RCL1: variants seen among roughly 807,000 people sequenced by gnomAD.
RCL1 encodes the protein RNA 3'-terminal phosphate cyclase-like protein.
RCL1 carries 24 observed loss-of-function variants against 42.4 expected under a neutral mutation model. The ratio of observed to expected loss-of-function variants is 0.57; its 90% CI spans 0.41 to 0.80. The LOEUF is 0.80. Ranked by LOEUF, RCL1 falls within the 30% of genes least tolerant of loss-of-function variation. RCL1 has a pLI of 0.00. For synonymous variants in RCL1, 228 were observed against 177.3 expected, an observed-to-expected ratio of 1.29 and a Z score of -2.27; for missense variants, 578 against 467.9, an observed-to-expected ratio of 1.24 and a Z score of -2.17.
intron 2 of RCL1, 28 bp from the exon 3 acceptor site, chr9:4,826,830 A>G (rs1816778811): frequency 1.3e-6 from 2 of 1,575,014 alleles, no homozygotes; most frequent in Non-Finnish European, 1.7e-6. Flanking sequence ...TTTCCTGCTG[A>G]ATGTGGCTCT....
chr9:4,849,500 T>C lies in RCL1; in HGVS notation c.921T>C (p.Leu307=). The change falls in exon 8 of 9, where the codon CTT becomes CTC. Residue 307 remains leucine, a synonymous_variant. Transcript: ENST00000381750. The stretch of plus-strand genomic sequence containing the variant: ...GCCTGGCGCTACTACTCATGACCCT[T>C]GGACAGCAGGATGTTTCCAAAGTCC... ...NQSLALLLMT[L]GQQDVSKVLL... The C allele has an allele frequency of 6.2e-7, 1 of 1,614,042 alleles. No individual in the cohort carries two copies. Among genetic ancestry groups the C allele is most frequent in the Non-Finnish European group, 8.5e-7 (1 of 1,179,988 alleles).
intron 3 of RCL1, among the ~76,000 whole-genome samples, chr9:4,830,979 C>T (rs1015635170): frequency 3.3e-5 from 5 of 152,150 alleles, no homozygotes; most frequent in African/African-American, 1.2e-4. Flanking sequence ...TCTGCTAAAA[C>T]TAGAATGTGC....
chr9:4,795,586 A>G (rs115127493), intron 1 of RCL1, among the ~76,000 whole-genome samples: 1,635 of 152,232 alleles, frequency 0.011, 27 homozygotes, highest in African/African-American at 0.038. Context: ...CCGGAAGCCT[A>G]TGTTGCCCGT....
chr9:4,794,901 C>T (rs1016989360), intron 1 of RCL1, among the ~76,000 whole-genome samples: 3 of 152,108 alleles, frequency 2.0e-5, no homozygotes, highest in Non-Finnish European at 4.4e-5. Flanking sequence ...GACGCTGATA[C>T]CTGAGGGAGG....
intron 1 of RCL1, among the ~76,000 whole-genome samples, chr9:4,806,064 T>TGTGTGTGTG (rs1219639380): frequency 0.013 from 1,752 of 139,114 alleles, 36 homozygotes; most frequent in African/African-American, 0.031. Context: ...GTGTGTGTGT[T>TGTGTGTGTG]TGTGTGTGTA....
At chr9:4,857,591 G>T (rs1259005549) in intron 8 of RCL1, among the ~76,000 whole-genome samples, 2 of 150,790 alleles carry the variant, frequency 1.3e-5, no homozygotes, top group Non-Finnish European at 2.9e-5. Context: ...AAGTTTTTGT[G>T]TGGGTGTATG....
At chr9:4,815,580 A>G (rs1816343871) in intron 1 of RCL1, among the ~76,000 whole-genome samples, 2 of 152,002 alleles carry the variant, frequency 1.3e-5, no homozygotes, top group Non-Finnish European at 2.9e-5. Flanking sequence ...AAGGTACAGT[A>G]GCCGCTTAAA....
At chr9:4,846,894 C>CTTTTTTCTTTTTTTT (rs57427254) in intron 7 of RCL1, among the ~76,000 whole-genome samples, 17 of 148,678 alleles carry the variant, frequency 1.1e-4, no homozygotes, top group African/African-American at 4.2e-4. Flanking sequence ...TAATATTTTT[C>CTTTTTTCTTTTTTTT]TTTTTTTTTT....
intron 8 of RCL1, among the ~76,000 whole-genome samples, chr9:4,856,608 C>T (rs931143901): frequency 2.0e-5 from 3 of 152,120 alleles, no homozygotes; most frequent in Non-Finnish European, 2.9e-5. Context: ...TAATTAGACA[C>T]CATGAGCAGA....
intron 1 of RCL1, among the ~76,000 whole-genome samples, chr9:4,820,033 C>T (rs1371278602): frequency 2.0e-5 from 3 of 152,202 alleles, no homozygotes; most frequent in African/African-American, 7.2e-5. Flanking sequence ...ATTTACAGCT[C>T]CTTGCCATGC....
intron 3 of RCL1, among the ~76,000 whole-genome samples, chr9:4,832,796 G>A (rs973142343): frequency 1.5e-4 from 16 of 104,304 alleles, no homozygotes; most frequent in Non-Finnish European, 2.4e-4. Flanking sequence ...GACAGAGCGA[G>A]ATTCCACTCA....
At chr9:4,833,497 C>A (rs1187078128) in intron 4 of RCL1, among the ~76,000 whole-genome samples, 2 of 152,206 alleles carry the variant, frequency 1.3e-5, no homozygotes, top group Non-Finnish European at 2.9e-5. Flanking sequence ...CTTTTCTCCT[C>A]ACAACAGCTC....
At chr9:4,812,632 C>T (rs978003569) in intron 1 of RCL1, among the ~76,000 whole-genome samples, 4 of 151,952 alleles carry the variant, frequency 2.6e-5, no homozygotes, top group African/African-American at 7.2e-5. Flanking sequence ...AGGTCTTTTG[C>T]GGGTCCATAT....
At chr9:4,800,389 A>G (rs967827144) in intron 1 of RCL1, among the ~76,000 whole-genome samples, 1 of 151,024 alleles carries the variant, frequency 6.6e-6, no homozygotes, top group Non-Finnish European at 1.5e-5. Context: ...TAATTTTTGT[A>G]TTTTTAGTAG....
At chr9:4,807,252 A>G (rs1277996520) in intron 1 of RCL1, among the ~76,000 whole-genome samples, 1 of 151,874 alleles carries the variant, frequency 6.6e-6, no homozygotes, top group Non-Finnish European at 1.5e-5. Context: ...CTTGCTTTTC[A>G]GTTTTCAATT....
intron 1 of RCL1, among the ~76,000 whole-genome samples, chr9:4,822,366 G>C (rs1816622993): frequency 3.3e-5 from 5 of 152,232 alleles, no homozygotes; most frequent in Admixed American, 2.0e-4. Context: ...TCATGGGCAG[G>C]AAGTTAAAAC....
At chr9:4,847,874 C>T (rs1464608216) in intron 7 of RCL1, among the ~76,000 whole-genome samples, 1 of 152,216 alleles carries the variant, frequency 6.6e-6, no homozygotes, top group African/African-American at 2.4e-5. Flanking sequence ...TTCTGTTCTT[C>T]CTTCCTCCCC....
chr9:4,838,810 CAG>C (rs1338092724), intron 5 of RCL1, among the ~76,000 whole-genome samples: 1 of 152,208 alleles, frequency 6.6e-6, no homozygotes, highest in African/African-American at 2.4e-5. Context: ...ATCAGATTCT[CAG>C]AGAGTTCTCT....
In RCL1 at chr9:4,841,186, T is replaced by C. The variant is rs766474062; in HGVS notation, c.585-46T>C. The stretch of plus-strand genomic sequence containing the variant: ...GCCAGCTTTATAACTGATTTTTCTC[T>C]GTCCTGGAATTCAAGCAGAATGACA... On this transcript the variant is annotated intron_variant, in intron 5 of 8. Coordinates refer to ENST00000381750, the MANE Select transcript of RCL1 (RefSeq NM_005772.5). The C allele has an allele frequency of 1.9e-6, 3 of 1,610,432 alleles. No individual in the cohort carries two copies. The East Asian group carries it at 6.7e-5, about 36-fold the overall frequency.
Sources: gnomAD v4.1 joint callset for allele counts (sites outside exome capture counted in the v4.1 genomes callset) on GRCh38, gnomAD v4.1.1 for gene constraint, MANE v1.5 for transcripts, NCBI Gene and HGNC (gene_info 2026-07-23, HGNC 2026-07-21) for gene names.